The following MCF2 variants were observed in gnomAD, a reference collection of about 807,000 sequenced individuals.
The protein encoded by MCF2 is MCF.2 cell line derived transforming sequence.
Under a neutral mutation model 82.5 loss-of-function variants are expected in MCF2, and 44 were observed. That is an observed-to-expected ratio of 0.53 (90% CI 0.42 to 0.69). The LOEUF (loss-of-function observed/expected upper bound fraction) is 0.69, where lower values mean the gene tolerates loss of function less well. Ranked by LOEUF, MCF2 falls within the 30% of genes least tolerant of loss-of-function variation. The pLI, the probability that MCF2 is intolerant of heterozygous loss-of-function variation, is 0.00. For synonymous variants in MCF2, 217 were observed against 224.9 expected (o/e 0.96, Z 0.32); for missense variants, 623 against 663.1 (o/e 0.94, Z 0.66).
At chrX:139,691,725 G>C (rs1935267902) in intron 1 of MCF2, among the ~76,000 whole-genome samples, 1 of 93,157 alleles carries the variant, frequency 1.1e-5, no homozygotes, top group Non-Finnish European at 2.1e-5. Flanking sequence ...GCAGGAAAGT[G>C]TGTGTGTGCG....
intron 6 of MCF2, among the ~76,000 whole-genome samples, chrX:139,620,618 C>T (rs1168252100): frequency 9.0e-6 from 1 of 110,843 alleles, no homozygotes; most frequent in Non-Finnish European, 1.9e-5. Context: ...TTACAATGAC[C>T]ACAAAAAGAA....
At chrX:139,645,446 C>T (rs1933768109), upstream of MCF2, 2 of 393,077 alleles carry the variant, frequency 5.1e-6, no homozygotes, top group Non-Finnish European at 8.9e-6. Context: ...TCTACTTTCC[C>T]TCCTCACATT....
chrX:139,608,991 GC>G (rs1931278552), intron 11 of MCF2, among the ~76,000 whole-genome samples: 1 of 111,873 alleles, frequency 8.9e-6, no homozygotes, highest in African/African-American at 3.2e-5. Flanking sequence ...ATTATCATAT[GC>G]CACACATGTT....
At chrX:139,583,796 CAA>C (rs201543019) in intron 24 of MCF2, among the ~76,000 whole-genome samples, 2,730 of 111,569 alleles carry the variant, frequency 0.024, 41 homozygotes, top group East Asian at 0.083. Flanking sequence ...CCTACATAAA[CAA>C]GAGTTCTTTG....
chrX:139,651,371 T>C (rs891415518), intron 2 of MCF2, among the ~76,000 whole-genome samples: 1 of 111,258 alleles, frequency 9.0e-6, no homozygotes, highest in African/African-American at 3.3e-5. Flanking sequence ...TCAAAGAAGC[T>C]ACCTCAGCTG....
intron 13 of MCF2, among the ~76,000 whole-genome samples, 172 bp from the exon 18 acceptor site, chrX:139,605,156 CTT>C (rs35352084): frequency 0.035 from 3,206 of 90,597 alleles, 138 homozygotes; most frequent in African/African-American, 0.12. Context: ...TTATCCATGA[CTT>C]TTTTTTTTTT....
chrX:139,659,159 G>A (rs1019518605), intron 1 of MCF2, among the ~76,000 whole-genome samples: 3 of 110,711 alleles, frequency 2.7e-5, no homozygotes, highest in Non-Finnish European at 3.8e-5. Flanking sequence ...GTGGTGGCAC[G>A]TGCCTGTAGT....
At chrX:139,593,432 T>G (rs189789157) in intron 19 of MCF2, among the ~76,000 whole-genome samples, 8 of 110,930 alleles carry the variant, frequency 7.2e-5, no homozygotes, top group African/African-American at 2.6e-4. Context: ...ACCAGATGGA[T>G]TCACAGCCGA....
rs145300010 is a variant in MCF2, at chrX:139,597,373, G to A, written c.2055+87C>T. 9.6e-3 allele frequency: 6,552 copies of A among 683,641 alleles called. 29 individuals carry two copies. Among genetic ancestry groups the A allele is most frequent in the Non-Finnish European group, 0.012 (5,466 of 438,062 alleles). 56.3% of individuals were successfully genotyped at this position (683,641 alleles called of 1,213,427 possible). On this transcript the variant is annotated intron_variant, in intron 18 of 24. Coordinates refer to ENST00000370576, the Ensembl canonical transcript of MCF2. ...ATCTCCAGTTATCTGATTCTTATAC[G>A]TTATTTCTCAATTGGTTCCAGGAGG...
At chrX:139,594,341 C>G (rs377524187) in intron 19 of MCF2, among the ~76,000 whole-genome samples, 1,713 of 111,288 alleles carry the variant, frequency 0.015, 33 homozygotes, top group African/African-American at 0.053. Flanking sequence ...CAAGGCTACA[C>G]TAACCAAAAC....
At chrX:139,614,945 T>C (rs1931782882) in exon 10 of MCF2, 1 of 1,208,224 alleles carries the variant, frequency 8.3e-7, no homozygotes, top group Non-Finnish European at 1.1e-6. Flanking sequence ...GTACCACAAA[T>C]TGGATTGGCC....
At chrX:139,600,589 A>T (rs1330890200) in intron 16 of MCF2, among the ~76,000 whole-genome samples, 2 of 111,745 alleles carry the variant, frequency 1.8e-5, no homozygotes, top group African/African-American at 6.5e-5. Context: ...CCACAACACT[A>T]GCATCCAGAT....
At position 139,686,523 on chromosome X, in the gene MCF2, G is replaced by GA. The variant is rs541227949; in HGVS notation, c.-45+21582dup. Among the ~76,000 whole-genome samples the GA allele has an allele frequency of 4.2e-3, 431 of 102,671 alleles. 5 individuals are homozygous for GA. In the East Asian group the frequency reaches 0.081, roughly 19 times the overall value. The allele number at this position is 102,671 out of a possible 115,157, so 89.2% of individuals were successfully genotyped here. Reference sequence around the variant, plus strand: ...GGTGATAGAGTGAGACTCTATCTCGGAAAAAAAAAAAGTTAACAGGTTCAA... The same window carrying GA: ...GGTGATAGAGTGAGACTCTATCTCGGAAAAAAAAAAAAGTTAACAGGTTCAA... On this transcript the variant is annotated intron_variant, in intron 1 of 27. Coordinates refer to the MCF2 transcript ENST00000414978.
intron 6 of MCF2, among the ~76,000 whole-genome samples, chrX:139,624,644 G>T (rs1330295634): frequency 9.0e-6 from 1 of 111,313 alleles, no homozygotes; most frequent in African/African-American, 3.3e-5. Context: ...ACAACTTAAT[G>T]CAAGACTGGA....
At chrX:139,599,802 C>A (rs1225915635) in intron 16 of MCF2, among the ~76,000 whole-genome samples, 1 of 111,580 alleles carries the variant, frequency 9.0e-6, no homozygotes, top group Non-Finnish European at 1.9e-5. Context: ...AGCACTTTCA[C>A]TCCCAGGTGT....
intron 1 of MCF2, among the ~76,000 whole-genome samples, chrX:139,674,274 C>G (rs1308547718): frequency 9.0e-6 from 1 of 111,633 alleles, no homozygotes; most frequent in Non-Finnish European, 1.9e-5. Context: ...ACTCTTTATC[C>G]AATTTGCCTG....
intron 6 of MCF2, among the ~76,000 whole-genome samples, chrX:139,625,147 T>C (rs909630256): frequency 1.8e-5 from 2 of 111,500 alleles, no homozygotes; most frequent in African/African-American, 6.5e-5. Flanking sequence ...TCAGTGAGAT[T>C]ATAATCTAAG....
chrX:139,613,008 C>G (rs17002174), intron 10 of MCF2, among the ~76,000 whole-genome samples: 2,251 of 111,318 alleles, frequency 0.02, 58 homozygotes, highest in African/African-American at 0.068. Flanking sequence ...GAATTTAGAA[C>G]CATAATCTAC....
intron 19 of MCF2, among the ~76,000 whole-genome samples, chrX:139,595,696 G>T (rs1158807762): frequency 1.9e-5 from 2 of 108,013 alleles, no homozygotes; most frequent in African/African-American, 3.4e-5. Flanking sequence ...CCTGCACATT[G>T]TGCACATGTA....
Sources: allele counts gnomAD v4.1 joint callset (sites outside exome capture counted in the v4.1 genomes callset), GRCh38; gene constraint gnomAD v4.1.1; transcripts MANE v1.5; gene names NCBI Gene and HGNC (gene_info 2026-07-23, HGNC 2026-07-21).